SARM1: variants seen among roughly 807,000 people sequenced by gnomAD.
SARM1 encodes the protein NAD(+) hydrolase SARM1.
A neutral mutation model predicts 65.1 loss-of-function variants in SARM1; 60 were observed. That is an observed-to-expected ratio of 0.92 (90% CI 0.75 to 1.14). The LOEUF (loss-of-function observed/expected upper bound fraction) is 1.14. Among genes scored for constraint, SARM1 ranks in the 50% most tolerant of loss-of-function variants. The probability of loss-of-function intolerance (pLI) is 0.00; values close to 1 mark genes in which losing one functional copy is unlikely to be tolerated. For missense variants in SARM1, 913 were observed against 1,015.7 expected (o/e 0.90, Z 1.37); for synonymous variants, 417 against 465.4 (o/e 0.90, Z 1.34).
intron 1 of SARM1, 136 bp from the exon 2 acceptor site, chr17:28,381,067 G>T: frequency 9.7e-7 from 1 of 1,030,344 alleles, no homozygotes; most frequent in Non-Finnish European, 1.4e-6. Flanking sequence ...TGAGGGTGGG[G>T]AGCAGGGAGG....
chr17:28,387,467 A>C (rs1431260253), intron 5 of SARM1, among the ~76,000 whole-genome samples: 1 of 151,698 alleles, frequency 6.6e-6, no homozygotes, highest in African/African-American at 2.4e-5. Context: ...CAAGTGATCC[A>C]CCCACCTTGG....
rs1216879398 is a variant in SARM1, at chr17:28,399,600, C to T, written c.*3314C>T. On this transcript the variant is annotated 3_prime_UTR_variant, in exon 9 of 9. Transcript: ENST00000585482. ...GGCTGGGCTTCCAGCTGCAGACCTC[C>T]AGTTGCTTGGTGTTCACTTTGCTCC... 6.3e-7 allele frequency: 1 copy of T among 1,583,348 alleles called. No individual in the cohort carries two copies. The highest frequency in any genetic ancestry group is 8.7e-7 in the Non-Finnish European group (1 of 1,152,580).
rs939505362 is a variant in SARM1 at position 28,400,427 on chromosome 17, G to A, written c.*4141G>A. ...CTTCCTCCACCTAGCTCGCCATCTC[G>A]CCCTTGGAAAATGGCTCCTGGAGGA... On this transcript the variant is annotated 3_prime_UTR_variant, in exon 9 of 9. Transcript: ENST00000585482. 5 of 700,546 alleles carry A rather than the reference G, an allele frequency of 7.1e-6. No homozygotes were observed. Among genetic ancestry groups the A allele is most frequent in the South Asian group, 5.8e-5 (3 of 51,714 alleles). 43.4% of individuals were successfully genotyped at this position (700,546 alleles called of 1,614,324 possible).
rs1555589342 is a variant in SARM1, at chr17:28,400,657, G to A, written c.*4371G>A. ...GCAGGAGGCCAGCTCCCAGGAGGAA[G>A]GGGAACCCCTTCATAAAGTTCAGAG... On this transcript the variant is annotated 3_prime_UTR_variant, in exon 9 of 9. Coordinates refer to ENST00000585482, the MANE Select transcript of SARM1 (RefSeq NM_015077.4). 6.2e-7 allele frequency: 1 copy of A among 1,613,770 alleles called. No homozygotes were observed. Among genetic ancestry groups the A allele is most frequent in the East Asian group, 2.2e-5 (1 of 44,886 alleles).
chr17:28,375,731 G>T (rs2067985312), intron 1 of SARM1, among the ~76,000 whole-genome samples: 1 of 152,142 alleles, frequency 6.6e-6, no homozygotes, highest in Non-Finnish European at 1.5e-5. Flanking sequence ...AGAACTTTAG[G>T]AGGCTGAGAC....
chr17:28,385,447 C>A lies in SARM1; in HGVS notation c.1630+172C>A. On this transcript the variant is annotated intron_variant, in intron 5 of 8. Transcript: ENST00000585482. This position sits in a 1 kb window ranked among gnomAD's most constrained non-coding sequence, Gnocchi z 4.5. Reference sequence around the variant, plus strand: ...AAGATGAATACGTTGCACTTTACCTCAAGAAGTTCCCAGTCTGAGGTGGGT... The same window carrying A: ...AAGATGAATACGTTGCACTTTACCTAAAGAAGTTCCCAGTCTGAGGTGGGT... 3 of 596,810 alleles carry A rather than the reference C, an allele frequency of 5.0e-6. No homozygotes were observed. The highest frequency in any genetic ancestry group is 2.1e-5 in the South Asian group (1 of 46,914). 37.0% of individuals were successfully genotyped at this position (596,810 alleles called of 1,614,324 possible).
intron 7 of SARM1, among the ~76,000 whole-genome samples, chr17:28,389,672 G>A (rs1210844819): frequency 2.6e-5 from 4 of 152,146 alleles, no homozygotes; most frequent in African/African-American, 7.2e-5. Context: ...GATCACTTGA[G>A]GTCAGGAGTT....
In SARM1 at chr17:28,381,301, A is replaced by G. The variant is rs782377042; in HGVS notation, c.569A>G (p.His190Arg). The G allele has an allele frequency of 3.1e-6, 5 of 1,604,638 alleles. No individual in the cohort carries two copies. The highest frequency in any genetic ancestry group is 4.3e-6 in the Non-Finnish European group (5 of 1,176,134). Residue 190 changes from histidine (H) to arginine (R), a missense_variant, in exon 2 of 9, where the codon CAC becomes CGC. By Grantham distance (29) the His-to-Arg change is conservative. Coordinates refer to ENST00000585482, the MANE Select transcript of SARM1 (RefSeq NM_015077.4). ...CGGAGCGTGGCAGGCATCTTGGAGCACATGTTCAAGCATTCGGAGGAGACA... is the reference window on the plus strand; with the variant it reads ...CGGAGCGTGGCAGGCATCTTGGAGCGCATGTTCAAGCATTCGGAGGAGACA... ...LARSVAGILE[H>R]MFKHSEETCQ...
At chr17:28,387,913 G>C (rs1303437449) in intron 5 of SARM1, 6 of 497,932 alleles carry the variant, frequency 1.2e-5, no homozygotes, top group Non-Finnish European at 2.2e-5. Context: ...TTCAGGTCTG[G>C]AGTTCCAGAG....
chr17:28,391,520 G>C (rs1314988091), intron 7 of SARM1, among the ~76,000 whole-genome samples: 1 of 151,996 alleles, frequency 6.6e-6, no homozygotes, highest in African/African-American at 2.4e-5. Flanking sequence ...GTTTGGGGAG[G>C]GGCACTGGGG....
chr17:28,381,701 G>A lies in SARM1; in HGVS notation c.969G>A (p.Gly323=). The change falls in exon 2 of 9, where the codon GGG becomes GGA. Residue 323 remains glycine (G), a synonymous_variant. Coordinates refer to ENST00000585482, the MANE Select transcript of SARM1 (RefSeq NM_015077.4). ...CCAGCGACACAAGCCAGGGCCGCGG[G>A]CCCGACGACCTGCAGCGCCTCGTGC... ...VDASDTSQGR[G]PDDLQRLVPL... is the part of the protein sequence containing the mutation. 3 of 1,560,060 alleles carry A rather than the reference G, an allele frequency of 1.9e-6. No homozygotes were observed. The highest frequency in any genetic ancestry group is 2.6e-6 in the Non-Finnish European group (3 of 1,153,326).
In SARM1 at chr17:28,381,652, G is replaced by T. The variant is rs1016678586; in HGVS notation, c.920G>T (p.Arg307Leu). Residue 307 changes from arginine to leucine, a missense_variant, in exon 2 of 9, where the codon CGC becomes CTC. By Grantham distance (102) the Arg-to-Leu change is moderately radical. This residue lies in a region of SARM1 where 862 missense variants were observed against 952.1 expected (regional missense o/e 0.91). Coordinates refer to ENST00000585482, the MANE Select transcript of SARM1 (RefSeq NM_015077.4). The part of the protein sequence containing the change: ...EPLVASLDPG[R>L]FARCLVDASD... ...CTTGTGGCCTCGCTGGACCCTGGCCGCTTCGCCCGCTGTCTGGTGGACGCC... is the reference window on the plus strand; with the variant it reads ...CTTGTGGCCTCGCTGGACCCTGGCCTCTTCGCCCGCTGTCTGGTGGACGCC... The T allele has an allele frequency of 1.3e-6, 2 of 1,555,042 alleles. No individual in the cohort carries two copies. Among genetic ancestry groups the T allele is most frequent in the Non-Finnish European group, 1.7e-6 (2 of 1,151,036 alleles).
chr17:28,400,791 C>T lies in SARM1; in HGVS notation c.*4505C>T, dbSNP rs146288683. 1.3e-6 allele frequency: 2 copies of T among 1,550,542 alleles called. No homozygotes were observed. The highest frequency in any genetic ancestry group is 1.7e-6 in the Non-Finnish European group (2 of 1,147,096). On this transcript the variant is annotated 3_prime_UTR_variant, in exon 9 of 9. Transcript: ENST00000585482. ...CCTGTGAAGAAATAAATACCATACT[C>T]TGGAGTCCGAAAGGGCCATATTCCA...
chr17:28,388,038 T>C lies in SARM1; in HGVS notation c.1631-136T>C, dbSNP rs1476857931. 6 of 680,538 alleles carry C rather than the reference T, an allele frequency of 8.8e-6. No individual in the cohort carries two copies. In the East Asian group the frequency reaches 1.1e-4, roughly 12 times the overall value. The allele number at this position is 680,538 out of a possible 1,614,324, so 42.2% of individuals were successfully genotyped here. ...CTCCTGGAGGCCCCATTTCTCCTTT[T>C]TGGGGCAGGCCACCCTCCCCAGGCT... On this transcript the variant is annotated intron_variant, in intron 5 of 8. Transcript: ENST00000585482.
chr17:28,402,409 A>T lies in SARM1; in HGVS notation c.*6123A>T. 4.3e-6 allele frequency: 5 copies of T among 1,164,320 alleles called. No homozygotes were observed. The highest frequency in any genetic ancestry group is 6.3e-6 in the Non-Finnish European group (5 of 796,772). 72.1% of individuals were successfully genotyped at this position (1,164,320 alleles called of 1,614,324 possible). On this transcript the variant is annotated 3_prime_UTR_variant, in exon 9 of 9. Coordinates refer to ENST00000585482, the MANE Select transcript of SARM1 (RefSeq NM_015077.4). ...GCAGCAGAGCTCCTATCCATACCCCACGTGGGGCTTAGGTTAGACCCAGGA... is the reference window on the plus strand; with the variant it reads ...GCAGCAGAGCTCCTATCCATACCCCTCGTGGGGCTTAGGTTAGACCCAGGA...
rs1248851657 is a variant in SARM1 at position 28,372,879 on chromosome 17, CCTT to C, written c.470+380_470+382del. The C allele has an allele frequency of 9.7e-6, 2 of 205,762 alleles. No homozygotes were observed. The highest frequency in any genetic ancestry group is 2.2e-4 in the South Asian group (2 of 9,054). 12.7% of individuals were successfully genotyped at this position (205,762 alleles called of 1,614,324 possible). A position where few individuals can be genotyped will look rare whatever the true frequency, so the allele number is the denominator to read the frequency against. On this transcript the variant is annotated intron_variant, in intron 1 of 8. Transcript: ENST00000585482. The surrounding 1 kb of genome is among the most constrained non-coding windows in gnomAD (Gnocchi z 5.2). Reference sequence around the variant, plus strand: ...CCGGCTTGGGTTCCCGTCTATGACACCTTCTCTCGCCATCATCCCATCCCTCTC... The same window carrying C: ...CCGGCTTGGGTTCCCGTCTATGACACCTCTCGCCATCATCCCATCCCTCTC...
In SARM1 at chr17:28,399,859, T is replaced by C. The variant is rs1475744241; in HGVS notation, c.*3573T>C. Reference sequence around the variant, plus strand: ...TTCCCCAAGCTGAGAAGCTGAGAGCTGGAGGACAATATCCAGGGACATGGC... The same window carrying C: ...TTCCCCAAGCTGAGAAGCTGAGAGCCGGAGGACAATATCCAGGGACATGGC... On this transcript the variant is annotated 3_prime_UTR_variant, in exon 9 of 9. Transcript: ENST00000585482. The C allele has an allele frequency of 1.3e-6, 1 of 779,246 alleles. No individual in the cohort carries two copies. The highest frequency in any genetic ancestry group is 2.2e-6 in the Non-Finnish European group (1 of 446,962). The allele number at this position is 779,246 out of a possible 1,614,324, so 48.3% of individuals were successfully genotyped here.
chr17:28,376,836 T>A (rs2067992993), intron 1 of SARM1, among the ~76,000 whole-genome samples: 1 of 56,030 alleles, frequency 1.8e-5, no homozygotes. Flanking sequence ...TCACCCAGGC[T>A]GGAGTGCAGT....
At position 28,396,039 on chromosome 17, in the gene SARM1, G is replaced by A; in HGVS notation, c.2045+13G>A. 1 of 1,613,856 alleles carries A rather than the reference G, an allele frequency of 6.2e-7. No homozygotes were observed. Among genetic ancestry groups the A allele is most frequent in the South Asian group, 1.1e-5 (1 of 91,082 alleles). ...TCAACGGTATCAAGTGAGCCCCAGG[G>A]CCCTGGGACCAGGGGGGTAGGGTAC... On this transcript the variant is annotated intron_variant, in intron 8 of 8. Coordinates refer to ENST00000585482, the MANE Select transcript of SARM1 (RefSeq NM_015077.4).
Sources: gnomAD v4.1 joint callset for allele counts (sites outside exome capture counted in the v4.1 genomes callset) on GRCh38, gnomAD v4.1.1 for gene constraint, gnomAD v4.1.1 regional missense constraint, Gnocchi (gnomAD v3.1) non-coding constraint, MANE v1.5 for transcripts, NCBI Gene and HGNC (gene_info 2026-07-23, HGNC 2026-07-21) for gene names.